Variants in CSMD3 observed in about 807,000 individuals in gnomAD.
The protein encoded by CSMD3 is CUB and sushi domain-containing protein 3.
In CSMD3, 177 loss-of-function variants were observed where a neutral mutation model predicts 435.2. That is an observed-to-expected ratio of 0.41 (90% CI 0.36 to 0.46). The LOEUF is 0.46. CSMD3 is among the 20% of genes least tolerant of loss of function. The pLI, the probability that CSMD3 is intolerant of heterozygous loss-of-function variation, is 0.34. For missense variants in CSMD3, 4,265 were observed against 4,504.6 expected, an observed-to-expected ratio of 0.95 and a Z score of 1.52; for synonymous variants, 1,656 against 1,520.5, an observed-to-expected ratio of 1.09 and a Z score of -2.07.
intron 4 of CSMD3, among the ~76,000 whole-genome samples, chr8:113,152,772 A>G (rs1269829257): frequency 6.6e-6 from 1 of 151,866 alleles, no homozygotes; most frequent in Non-Finnish European, 1.5e-5. Flanking sequence ...TGAGGCCAGG[A>G]GTTTGAAACT....
intron 22 of CSMD3, among the ~76,000 whole-genome samples, chr8:112,588,395 T>C (rs1349540923): frequency 6.6e-6 from 1 of 151,146 alleles, no homozygotes; most frequent in Non-Finnish European, 1.5e-5. Context: ...GAAATAATAA[T>C]AAAAACTAAT....
At chr8:112,329,891 C>T (rs1370472847) in intron 45 of CSMD3, among the ~76,000 whole-genome samples, 3 of 151,860 alleles carry the variant, frequency 2.0e-5, no homozygotes, top group Admixed American at 6.6e-5. Context: ...TGGGTTTTAG[C>T]TCCATTGTTT....
intron 10 of CSMD3, among the ~76,000 whole-genome samples, chr8:112,874,774 A>T (rs1003001993): frequency 5.3e-5 from 8 of 151,960 alleles, no homozygotes; most frequent in Admixed American, 4.6e-4. Flanking sequence ...TGCTTGGTAA[A>T]TATTCCTCCA....
intron 27 of CSMD3, among the ~76,000 whole-genome samples, chr8:112,542,427 C>A (rs978984443): frequency 9.4e-5 from 14 of 149,482 alleles, no homozygotes; most frequent in Non-Finnish European, 1.9e-4. Flanking sequence ...AAGACTTTAT[C>A]AAAAAAACTG....
intron 3 of CSMD3, among the ~76,000 whole-genome samples, chr8:113,237,048 C>T (rs1278994401): frequency 6.6e-6 from 1 of 152,098 alleles, no homozygotes; most frequent in Non-Finnish European, 1.5e-5. Flanking sequence ...ACAAAAGAAA[C>T]ATCATGCTTG....
intron 11 of CSMD3, among the ~76,000 whole-genome samples, 158 bp downstream of exon 11, chr8:112,858,987 C>G (rs2080746595): frequency 6.6e-6 from 1 of 151,826 alleles, no homozygotes. Flanking sequence ...TCCCAAATTT[C>G]TCATATAAAT....
intron 4 of CSMD3, among the ~76,000 whole-genome samples, chr8:113,106,441 G>T (rs566673356): frequency 2.6e-5 from 4 of 152,256 alleles, no homozygotes; most frequent in East Asian, 1.9e-4. Context: ...AGAAAAGCAA[G>T]ATTTCTTTTT....
chr8:112,877,016 A>G (rs1437799500), intron 10 of CSMD3, among the ~76,000 whole-genome samples: 5 of 152,134 alleles, frequency 3.3e-5, no homozygotes, highest in African/African-American at 4.8e-5. Context: ...CAATTGCTAC[A>G]AAGAAAATAA....
chr8:112,982,754 G>A (rs1052586375), intron 6 of CSMD3, among the ~76,000 whole-genome samples: 1 of 151,770 alleles, frequency 6.6e-6, no homozygotes, highest in African/African-American at 2.4e-5. Flanking sequence ...TATATGTGAG[G>A]AGAGAATAAA....
At chr8:112,453,580 G>T (rs1376352033) in intron 32 of CSMD3, among the ~76,000 whole-genome samples, 2 of 151,962 alleles carry the variant, frequency 1.3e-5, no homozygotes, top group Non-Finnish European at 2.9e-5. Context: ...TCTACAAGGA[G>T]AACTACAAAA....
chr8:112,803,207 C>G (rs887202676), intron 12 of CSMD3, among the ~76,000 whole-genome samples: 2 of 152,030 alleles, frequency 1.3e-5, no homozygotes, highest in African/African-American at 4.8e-5. Context: ...ATTCTTCTTC[C>G]TTTTTCTGCT....
chr8:112,232,704 G>A (rs1813206971), intron 68 of CSMD3, among the ~76,000 whole-genome samples: 2 of 152,216 alleles, frequency 1.3e-5, no homozygotes, highest in South Asian at 4.1e-4. Flanking sequence ...TTAAATGGGT[G>A]AATTGTAGGA....
chr8:112,572,791 C>T (rs1044073290), intron 24 of CSMD3, among the ~76,000 whole-genome samples: 3 of 151,904 alleles, frequency 2.0e-5, no homozygotes, highest in East Asian at 3.9e-4. Flanking sequence ...GAATCCTGAA[C>T]GGAGTAGAAA....
chr8:112,948,649 C>G (rs2083696935), intron 8 of CSMD3, among the ~76,000 whole-genome samples: 1 of 151,798 alleles, frequency 6.6e-6, no homozygotes, highest in East Asian at 1.9e-4. Context: ...TTAATAAATT[C>G]AATCTTAAAG....
chr8:112,432,732 A>G (rs1313595513), intron 32 of CSMD3, among the ~76,000 whole-genome samples: 2 of 152,082 alleles, frequency 1.3e-5, no homozygotes, highest in African/African-American at 4.8e-5. Flanking sequence ...GTAAGTATGA[A>G]CCGGTTTGGG....
intron 35 of CSMD3, among the ~76,000 whole-genome samples, chr8:112,395,881 CAA>C (rs1285839510): frequency 1.3e-5 from 2 of 152,042 alleles, no homozygotes; most frequent in African/African-American, 4.8e-5. Flanking sequence ...TCATTGGTCT[CAA>C]GTCTAATTTT....
At chr8:112,647,774 A>G (rs915177111) in intron 19 of CSMD3, among the ~76,000 whole-genome samples, 1 of 151,916 alleles carries the variant, frequency 6.6e-6, no homozygotes, top group African/African-American at 2.4e-5. Flanking sequence ...ACCTAATGAC[A>G]TTTTTCATTT....
intron 1 of CSMD3, among the ~76,000 whole-genome samples, chr8:113,325,053 T>A (rs2132727292): frequency 6.6e-6 from 1 of 152,328 alleles, no homozygotes; most frequent in East Asian, 1.9e-4. Flanking sequence ...GTACCCCCAT[T>A]GTATCTAGGA....
intron 13 of CSMD3, among the ~76,000 whole-genome samples, chr8:112,791,000 A>G (rs2078673921): frequency 1.3e-5 from 2 of 152,258 alleles, no homozygotes; most frequent in South Asian, 2.1e-4. Context: ...ACATATATGC[A>G]TTGGTGAAAC....
Sources: gnomAD v4.1 joint callset for allele counts (sites outside exome capture counted in the v4.1 genomes callset) on GRCh38, gnomAD v4.1.1 for gene constraint, MANE v1.5 for transcripts, NCBI Gene and HGNC (gene_info 2026-07-23, HGNC 2026-07-21) for gene names.